ABCA7: variants seen among roughly 807,000 people sequenced by gnomAD.
ABCA7 encodes phospholipid-transporting ATPase ABCA7.
A neutral mutation model predicts 227.6 loss-of-function variants in ABCA7; 261 were observed. The ratio of observed to expected loss-of-function variants is 1.15; its 90% CI spans 1.04 to 1.27. ABCA7 has a LOEUF of 1.27. Among genes scored for constraint, ABCA7 ranks in the 50% most tolerant of loss-of-function variants. ABCA7 has a pLI of 0.00. For synonymous variants in ABCA7, 1,488 were observed against 1,279.7 expected, an observed-to-expected ratio of 1.16 and a Z score of -3.47; for missense variants, 3,331 against 2,924.5, an observed-to-expected ratio of 1.14 and a Z score of -3.21.
intron 1 of ABCA7, 169 bp from the exon 2 acceptor site, chr19:1,041,056 T>G: frequency 4.0e-5 from 18 of 450,490 alleles, no homozygotes; most frequent in East Asian, 8.3e-5. Flanking sequence ...CCCTGGAGGA[T>G]TAGAGGATGA....
intron 44 of ABCA7, 32 bp from the exon 45 acceptor site, chr19:1,064,129 C>A: frequency 6.5e-7 from 1 of 1,527,272 alleles, no homozygotes; most frequent in Non-Finnish European, 8.8e-7. Flanking sequence ...TGGCCCCGGC[C>A]TCACGGAGCT....
At position 1,047,560 on chromosome 19, in the gene ABCA7, A is replaced by C; in HGVS notation, c.2175A>C (p.Ala725=). The C allele has an allele frequency of 6.2e-7, 1 of 1,602,380 alleles. No individual in the cohort carries two copies. The change falls in exon 16 of 47, where the codon GCA becomes GCC. Residue 725 remains alanine (A), a synonymous_variant. Transcript: ENST00000263094. Reference sequence around the variant, plus strand: ...ACAACGTGGGCACCCGGCCTACGGCAGACGTCTTCAGCCTGGCCCAGGTCT... The same window carrying C: ...ACAACGTGGGCACCCGGCCTACGGCCGACGTCTTCAGCCTGGCCCAGGTCT... ...QWHNVGTRPT[A]DVFSLAQVSG...
At chr19:1,048,268 C>A (rs1388941807) in intron 16 of ABCA7, among the ~76,000 whole-genome samples, 1 of 141,564 alleles carries the variant, frequency 7.1e-6, no homozygotes, top group African/African-American at 2.6e-5. Context: ...GAGGCCGAGG[C>A]GGGCGGGTCA....
Position 1,047,645 on chromosome 19 carries a change from G to A in ABCA7, c.2260G>A (p.Val754Met). Residue 754 changes from valine (V) to methionine (M), a missense_variant, in exon 16 of 47, where the codon GTG (valine) becomes ATG (methionine). Val to Met is a conservative substitution (Grantham distance 21). Coordinates refer to ENST00000263094, the MANE Select transcript of ABCA7 (RefSeq NM_019112.4). ...CCTCGCCACCTGGTACCTGGAAGCT[G>A]TGTGCCCAGGTGGGCCGTAGGGGGC... is the stretch of plus-strand genomic sequence containing the variant. ...YGLATWYLEA[V>M]CPGQYGIPEP... The A allele has an allele frequency of 6.3e-7, 1 of 1,594,936 alleles. No individual in the cohort carries two copies.
intron 23 of ABCA7, 45 bp downstream of exon 23, chr19:1,052,331 G>T: frequency 6.6e-7 from 1 of 1,514,870 alleles, no homozygotes; most frequent in Non-Finnish European, 8.8e-7. Flanking sequence ...GCAGTGGGGT[G>T]GCTGTGCCTT....
At chr19:1,057,741 AAAAG>A (rs2042376075) in intron 35 of ABCA7, among the ~76,000 whole-genome samples, 170 bp from the exon 36 acceptor site, 2 of 152,166 alleles carry the variant, frequency 1.3e-5, no homozygotes, top group African/African-American at 2.4e-5. Context: ...CCACCTCTAA[AAAAG>A]AAAGAAAGAG....
chr19:1,065,101 G>A lies in ABCA7; in HGVS notation c.6215G>A (p.Gly2072Glu). 2 of 1,583,536 alleles carry A rather than the reference G, an allele frequency of 1.3e-6. No homozygotes were observed. The highest frequency in any genetic ancestry group is 2.3e-5 in the South Asian group (2 of 87,906). ...GGRCALARVF[G>E]ELAVHGAEHG... Reference sequence around the variant, plus strand: ...CGCTGCGCCCTGGCGCGCGTCTTTGGAGAGCTGGCGGTGCACGGCGCAGAG... The same window carrying A: ...CGCTGCGCCCTGGCGCGCGTCTTTGAAGAGCTGGCGGTGCACGGCGCAGAG... The change falls in exon 46 of 47, where the codon GGA becomes GAA. Residue 2072 changes from glycine to glutamate, a missense_variant. Coordinates refer to ENST00000263094, the MANE Select transcript of ABCA7 (RefSeq NM_019112.4).
intron 12 of ABCA7, chr19:1,045,542 C>G (rs1161634950): frequency 1.1e-5 from 4 of 373,324 alleles, no homozygotes; most frequent in Non-Finnish European, 1.5e-5. Context: ...AAAATTGCAC[C>G]GGGTGCTGAG....
At chr19:1,062,509 C>A (rs1274175232) in intron 42 of ABCA7, among the ~76,000 whole-genome samples, 196 bp downstream of exon 42, 1 of 152,084 alleles carries the variant, frequency 6.6e-6, no homozygotes, top group African/African-American at 2.4e-5. Context: ...CGCCTCTTTG[C>A]CCCGCAACAC....
chr19:1,047,792 C>G, intron 16 of ABCA7, 138 bp downstream of exon 16: 1 of 1,000,686 alleles, frequency 1.0e-6, no homozygotes, highest in South Asian at 1.8e-5. Flanking sequence ...TCTTGGCACA[C>G]GCATGCAGGT....
Position 1,041,531 on chromosome 19 carries a change from C to T in ABCA7, c.88C>T (p.Leu30=), listed in dbSNP as rs763021474. ...CCAGGTCCAGCTCCTGGTCGAATTGCTGTGGCCTCTCTTCCTCTTCTTCAT... is the reference window on the plus strand; with the variant it reads ...CCAGGTCCAGCTCCTGGTCGAATTGTTGTGGCCTCTCTTCCTCTTCTTCAT... ...RQPVQLLVEL[L]WPLFLFFILV... Residue 30 remains leucine, a synonymous_variant, in exon 3 of 47, where the codon CTG becomes TTG. Transcript: ENST00000263094. 1.2e-6 allele frequency: 2 copies of T among 1,613,678 alleles called. No homozygotes were observed. Among genetic ancestry groups the T allele is most frequent in the Non-Finnish European group, 1.7e-6 (2 of 1,180,038 alleles).
Position 1,046,174 on chromosome 19 carries a change from G to A in ABCA7, c.1446-56G>A, listed in dbSNP as rs968535968. The A allele has an allele frequency of 2.7e-5, 42 of 1,580,074 alleles. 1 individual carries two copies. The South Asian group carries it at 4.0e-4, about 15-fold the overall frequency. ...TCTAAGAAAAAGGTTATTCAGGGTG[G>A]GGCCCCGGGAGTTTCTAGCCCTTCC... is the stretch of plus-strand genomic sequence containing the variant. On this transcript the variant is annotated intron_variant, in intron 12 of 46. Coordinates refer to ENST00000263094, the MANE Select transcript of ABCA7 (RefSeq NM_019112.4).
rs373332305 is a variant in ABCA7, at chr19:1,057,339, T to C, written c.4790T>C (p.Ile1597Thr). 4 of 1,613,930 alleles carry C rather than the reference T, an allele frequency of 2.5e-6. No homozygotes were observed. The highest frequency in any genetic ancestry group is 3.4e-6 in the Non-Finnish European group (4 of 1,180,014). The change falls in exon 35 of 47, where the codon ATC becomes ACC. Residue 1597 changes from isoleucine to threonine, a missense_variant. Physicochemically the swap from Ile to Thr is moderately conservative, Grantham distance 89 (BLOSUM62 -1). Coordinates refer to ENST00000263094, the MANE Select transcript of ABCA7 (RefSeq NM_019112.4). ...TGTAACTACTTGGTGCCAGCATGCA[T>C]CGTGGTGCTCATCTTTCTGGCCTTC... is the stretch of plus-strand genomic sequence containing the variant. ...DMCNYLVPAC[I>T]VVLIFLAFQQ...
chr19:1,040,502 G>T (rs1287732984), intron 1 of ABCA7, among the ~76,000 whole-genome samples: 1 of 152,144 alleles, frequency 6.6e-6, no homozygotes, highest in Non-Finnish European at 1.5e-5. Context: ...CCCGCTTGAT[G>T]TAAAGGAAAG....
intron 11 of ABCA7, 77 bp downstream of exon 11, chr19:1,044,821 C>T: frequency 6.6e-7 from 1 of 1,513,906 alleles, no homozygotes; most frequent in Admixed American, 2.0e-5. Flanking sequence ...CCCTGGTGTT[C>T]CCAGGGGGAG....
Position 1,062,188 on chromosome 19 carries a change from A to C in ABCA7, c.5587A>C (p.Ser1863Arg), listed in dbSNP as rs2042702039. 1 of 1,612,054 alleles carries C rather than the reference A, an allele frequency of 6.2e-7. No homozygotes were observed. Residue 1863 changes from serine (S) to arginine (R), a missense_variant, in exon 42 of 47, where the codon AGT becomes CGT. Ser to Arg is a moderately radical substitution (Grantham distance 110). Coordinates refer to ENST00000263094, the MANE Select transcript of ABCA7 (RefSeq NM_019112.4). The stretch of plus-strand genomic sequence containing the variant: ...CATCCCCAGCGTGGCCCGGGAACCC[A>C]GTGCTGCGCACCTCAGCATGGGATA... ...LAGHSVAREP[S>R]AAHLSMGYCP...
chr19:1,049,182 C>A (rs1253392339), intron 17 of ABCA7, 84 bp from the exon 18 acceptor site: 2 of 1,468,942 alleles, frequency 1.4e-6, no homozygotes, highest in Non-Finnish European at 1.8e-6. Flanking sequence ...CAGCAGGTCC[C>A]GGATTCCACA....
At chr19:1,044,485 T>G in intron 10 of ABCA7, 92 bp from the exon 11 acceptor site, 3 of 1,455,182 alleles carry the variant, frequency 2.1e-6, no homozygotes, top group Non-Finnish European at 2.8e-6. Context: ...TGACCTCAGG[T>G]GATCCACCCG....
At position 1,053,787 on chromosome 19, in the gene ABCA7, G is replaced by T; in HGVS notation, c.3424-1G>T. 1.2e-6 allele frequency: 2 copies of T among 1,611,862 alleles called. No homozygotes were observed. The highest frequency in any genetic ancestry group is 1.1e-5 in the South Asian group (1 of 90,896). On this transcript the variant is annotated splice_acceptor_variant, in intron 24 of 46. Coordinates refer to ENST00000263094, the MANE Select transcript of ABCA7 (RefSeq NM_019112.4). LOFTEE classifies it high-confidence loss of function. ...CTCTGAGCCCCTGCTTGTCTCCCCA[G>T]ATCTTCCTGAAGGTGGTGGAGGAGT...
Sources: gnomAD v4.1 joint callset for allele counts (sites outside exome capture counted in the v4.1 genomes callset) on GRCh38, gnomAD v4.1.1 for gene constraint, MANE v1.5 for transcripts, NCBI Gene and HGNC (gene_info 2026-07-23, HGNC 2026-07-21) for gene names.